CNTNAP2: variants seen among roughly 807,000 people sequenced by gnomAD.
CNTNAP2 encodes contactin associated protein 2.
A neutral mutation model predicts 155.2 loss-of-function variants in CNTNAP2; 98 were observed. The observed-to-expected ratio is 0.63, with a 90% confidence interval of 0.54 to 0.75. The LOEUF (loss-of-function observed/expected upper bound fraction) is 0.75. CNTNAP2 is among the 30% of genes least tolerant of loss of function. The pLI is 0.00. For synonymous variants in CNTNAP2, 651 were observed against 631.2 expected, an observed-to-expected ratio of 1.03 and a Z score of -0.47; for missense variants, 1,727 against 1,688.1, an observed-to-expected ratio of 1.02 and a Z score of -0.40.
intron 1 of CNTNAP2, among the ~76,000 whole-genome samples, chr7:146,585,480 G>T (rs919331978): frequency 6.6e-6 from 1 of 151,968 alleles, no homozygotes; most frequent in Non-Finnish European, 1.5e-5. Flanking sequence ...CTTAAATAAG[G>T]TAATGGAATA....
At chr7:147,116,340 T>C (rs1584853667) in intron 5 of CNTNAP2, among the ~76,000 whole-genome samples, 2 of 152,162 alleles carry the variant, frequency 1.3e-5, no homozygotes, top group African/African-American at 4.8e-5. Flanking sequence ...TGGCTGCTTT[T>C]TGATAGAGCC....
intron 1 of CNTNAP2, among the ~76,000 whole-genome samples, chr7:146,450,012 C>A (rs1415513608): frequency 1.3e-5 from 2 of 152,240 alleles, no homozygotes; most frequent in South Asian, 4.1e-4. Flanking sequence ...ATGTCATTCC[C>A]GTGTTCCTCA....
intron 12 of CNTNAP2, among the ~76,000 whole-genome samples, chr7:147,615,661 C>T (rs940154679): frequency 4.0e-5 from 6 of 151,894 alleles, no homozygotes; most frequent in Admixed American, 3.9e-4. Flanking sequence ...AAATAGAAAA[C>T]GCCATCACTT....
At chr7:147,342,012 T>G (rs1158945967) in intron 9 of CNTNAP2, among the ~76,000 whole-genome samples, 1 of 152,116 alleles carries the variant, frequency 6.6e-6, no homozygotes, top group Non-Finnish European at 1.5e-5. Context: ...ACCAGCATGG[T>G]GGAGTTCTTG....
intron 1 of CNTNAP2, among the ~76,000 whole-genome samples, chr7:146,510,415 G>C (rs1388131339): frequency 1.3e-5 from 2 of 152,176 alleles, no homozygotes; most frequent in Admixed American, 6.5e-5. Flanking sequence ...AGGTCAGGTA[G>C]TGTGATGTTT....
rs557509586 is a variant in CNTNAP2 at position 146,763,510 on chromosome 7, A to G, written c.98-10761A>G. Among the ~76,000 whole-genome samples, 3 of 152,142 alleles carry G rather than the reference A, an allele frequency of 2.0e-5. No homozygotes were observed. In the South Asian group the frequency reaches 6.2e-4, roughly 32 times the overall value. ...CTAGGTTGTTCACTGTTGTCCCCCA[A>G]CTGTAGGCACTCTATAAATTGTCAT... On this transcript the variant is annotated intron_variant, in intron 1 of 23. Transcript: ENST00000361727.
chr7:147,356,784 C>T (rs537154781), intron 9 of CNTNAP2, among the ~76,000 whole-genome samples: 16 of 152,118 alleles, frequency 1.1e-4, no homozygotes, highest in African/African-American at 3.9e-4. Flanking sequence ...TGTCATAATT[C>T]GGATTGGTAT....
At chr7:146,579,203 A>G (rs1798570596) in intron 1 of CNTNAP2, among the ~76,000 whole-genome samples, 1 of 151,938 alleles carries the variant, frequency 6.6e-6, no homozygotes, top group South Asian at 2.1e-4. Context: ...ATTCCCTCTC[A>G]ATTTTTTTTG....
At chr7:147,699,699 T>C (rs1226425762) in intron 13 of CNTNAP2, among the ~76,000 whole-genome samples, 1 of 152,160 alleles carries the variant, frequency 6.6e-6, no homozygotes, top group Admixed American at 6.6e-5. Context: ...AGTCACAAAA[T>C]ATAACATTAA....
intron 1 of CNTNAP2, among the ~76,000 whole-genome samples, chr7:146,587,563 A>G (rs945877563): frequency 6.6e-6 from 1 of 152,176 alleles, no homozygotes; most frequent in African/African-American, 2.4e-5. Context: ...GAATACCACC[A>G]CAAACACACA....
At chr7:147,942,094 A>G (rs1371254036) in intron 14 of CNTNAP2, among the ~76,000 whole-genome samples, 4 of 152,130 alleles carry the variant, frequency 2.6e-5, no homozygotes, top group African/African-American at 9.7e-5. Flanking sequence ...CCTCACTGCT[A>G]TTTCTGAGGT....
chr7:146,617,067 T>G (rs1235999941), intron 1 of CNTNAP2, among the ~76,000 whole-genome samples: 1 of 152,196 alleles, frequency 6.6e-6, no homozygotes, highest in Non-Finnish European at 1.5e-5. Flanking sequence ...TCGCCCAGGC[T>G]GGAGTGCAGT....
intron 1 of CNTNAP2, among the ~76,000 whole-genome samples, chr7:146,567,434 TTA>T (rs1270059072): frequency 1.2e-4 from 18 of 152,170 alleles, no homozygotes; most frequent in Admixed American, 2.0e-4. Context: ...ATATTTGAAA[TTA>T]TGATAGTAAA....
At chr7:146,305,212 C>T (rs994884354) in intron 1 of CNTNAP2, among the ~76,000 whole-genome samples, 3 of 152,174 alleles carry the variant, frequency 2.0e-5, no homozygotes, top group Admixed American at 6.6e-5. Flanking sequence ...GCGATGGGTT[C>T]GTACATCCTT....
intron 10 of CNTNAP2, among the ~76,000 whole-genome samples, chr7:147,480,960 C>T (rs1348225500): frequency 6.6e-6 from 1 of 152,128 alleles, no homozygotes; most frequent in East Asian, 1.9e-4. Context: ...AGAAACACTA[C>T]TTTTGAGTGC....
chr7:148,219,794 T>C (rs1011307004), intron 19 of CNTNAP2, among the ~76,000 whole-genome samples: 2 of 152,052 alleles, frequency 1.3e-5, no homozygotes, highest in Non-Finnish European at 2.9e-5. Context: ...AAGGCTGCAG[T>C]GAGCTATGAT....
At chr7:147,548,120 C>T (rs1259240306) in intron 11 of CNTNAP2, among the ~76,000 whole-genome samples, 1 of 152,124 alleles carries the variant, frequency 6.6e-6, no homozygotes, top group Admixed American at 6.5e-5. Flanking sequence ...GGTATGTACC[C>T]AGTAATGGGA....
chr7:147,924,675 G>T (rs895477825), intron 14 of CNTNAP2, among the ~76,000 whole-genome samples: 3 of 152,170 alleles, frequency 2.0e-5, no homozygotes, highest in African/African-American at 7.2e-5. Flanking sequence ...AGAACTGAAA[G>T]TAAGCCGGGA....
chr7:148,036,449 G>C (rs979746575), intron 15 of CNTNAP2, among the ~76,000 whole-genome samples: 2 of 152,128 alleles, frequency 1.3e-5, no homozygotes, highest in Middle Eastern at 3.4e-3. Flanking sequence ...TGGTTTCTGG[G>C]GCGAATTGCT....
Sources: allele counts gnomAD v4.1 joint callset (sites outside exome capture counted in the v4.1 genomes callset), GRCh38; gene constraint gnomAD v4.1.1; transcripts MANE v1.5; gene names NCBI Gene and HGNC (gene_info 2026-07-23, HGNC 2026-07-21).